The following C6orf141 variants were observed in gnomAD, a reference collection of about 807,000 sequenced individuals.
C6orf141 encodes the protein chromosome 6 open reading frame 141, also known as uncharacterized protein C6orf141.
For missense variants in C6orf141, 361 were observed against 335.8 expected, an observed-to-expected ratio of 1.07 and a Z score of -0.59; for synonymous variants, 164 against 140.5, an observed-to-expected ratio of 1.17 and a Z score of -1.18.
At chr6:49,556,641 G>A (rs1481074187), downstream of C6orf141, among the ~76,000 whole-genome samples, 1 of 152,152 alleles carries the variant, frequency 6.6e-6, no homozygotes, top group Non-Finnish European at 1.5e-5. Flanking sequence ...AGCCACTTGT[G>A]ATGAATTGAG....
intron 4 of C6orf141, chr6:49,560,989 T>TA (rs1230045746): frequency 6.6e-6 from 1 of 152,012 alleles, no homozygotes; most frequent in African/African-American, 2.4e-5. Context: ...GAAAAGCCTC[T>TA]ATGTTGTCCT....
Position 49,551,597 on chromosome 6 carries a change from A to T in C6orf141, c.*70A>T. 6.6e-7 allele frequency: 1 copy of T among 1,522,706 alleles called. No homozygotes were observed. Among genetic ancestry groups the T allele is most frequent in the Non-Finnish European group, 8.8e-7 (1 of 1,138,512 alleles). The allele number at this position is 1,522,706 out of a possible 1,614,324, so 94.3% of individuals were successfully genotyped here. A position where few individuals can be genotyped will look rare whatever the true frequency, so the allele number is the denominator to read the frequency against. ...CCTTAAAAGAAAATGCTATTCTGGG[A>T]GCTCCAACCTGCAATTAACCTACAG... On this transcript the variant is annotated 3_prime_UTR_variant, in exon 1 of 1. Transcript: ENST00000529246.
intron 4 of C6orf141, among the ~76,000 whole-genome samples, chr6:49,558,071 T>TTGTTTTTTTTTTTTTGTTGTTG (rs1554168735): frequency 7.2e-6 from 1 of 139,340 alleles, no homozygotes; most frequent in Non-Finnish European, 1.5e-5. Flanking sequence ...TTTTTTTTTT[T>TTGTTTTTTTTTTTTTGTTGTTG]TTTTTTTTTT....
chr6:49,556,310 A>T (rs1307131493), downstream of C6orf141, among the ~76,000 whole-genome samples: 8 of 152,252 alleles, frequency 5.3e-5, no homozygotes, highest in African/African-American at 1.9e-4. Context: ...TAACAATGCC[A>T]TGAAGATAAT....
intron 4 of C6orf141, among the ~76,000 whole-genome samples, chr6:49,559,522 A>G (rs1203522234): frequency 6.6e-6 from 1 of 151,960 alleles, no homozygotes; most frequent in Non-Finnish European, 1.5e-5. Flanking sequence ...GGCATGGGGT[A>G]TTATCTAGTG....
rs541718542 is a variant in C6orf141, at chr6:49,551,282, G to T, written c.490G>T (p.Asp164Tyr). ...PPKYVLVRVE[D>Y]YQVTQEVLQT... ...CAAATACGTGCTTGTGCGGGTGGAGGATTATCAGGTAACACAAGAAGTGTT... is the reference window on the plus strand; with the variant it reads ...CAAATACGTGCTTGTGCGGGTGGAGTATTATCAGGTAACACAAGAAGTGTT... The change falls in exon 1 of 1, where the codon GAT becomes TAT. Residue 164 changes from aspartate to tyrosine, a missense_variant. Coordinates refer to ENST00000529246, the MANE Select transcript of C6orf141 (RefSeq NM_001145652.2). 396 of 1,551,720 alleles carry T rather than the reference G, an allele frequency of 2.6e-4. No individual in the cohort carries two copies. The highest frequency in any genetic ancestry group is 2.8e-4 in the Non-Finnish European group (316 of 1,147,000).
In C6orf141 at chr6:49,551,365, C is replaced by A. The variant is rs1365991117; in HGVS notation, c.573C>A (p.Thr191=). 1 of 1,551,684 alleles carries A rather than the reference C, an allele frequency of 6.4e-7. No individual in the cohort carries two copies. The highest frequency in any genetic ancestry group is 2.0e-5 in the Admixed American group (1 of 51,010). ...MTTRTEEHFV[T]ALTFRSSREG... ...CGAGGACTGAGGAGCACTTCGTGAC[C>A]GCGCTCACTTTTCGCAGCAGTAGAG... The change falls in exon 1 of 1, where the codon ACC becomes ACA. Residue 191 remains threonine, a synonymous_variant. Transcript: ENST00000529246.
downstream of C6orf141, among the ~76,000 whole-genome samples, chr6:49,555,466 GTTTTT>G (rs1771678231): frequency 6.7e-6 from 1 of 149,240 alleles, no homozygotes; most frequent in Non-Finnish European, 1.5e-5. Context: ...GTTTTGTTTT[GTTTTT>G]GTTTTATAGA....
At chr6:49,556,666 G>A (rs905699234), downstream of C6orf141, among the ~76,000 whole-genome samples, 3 of 152,152 alleles carry the variant, frequency 2.0e-5, no homozygotes, top group Admixed American at 2.0e-4. Context: ...GTGGGGAAAA[G>A]GTGGAGCCAG....
At chr6:49,553,978 T>C (rs1411565008), downstream of C6orf141, among the ~76,000 whole-genome samples, 3 of 152,202 alleles carry the variant, frequency 2.0e-5, no homozygotes, top group Admixed American at 2.0e-4. Flanking sequence ...CTAATGAAAG[T>C]CAAGCCGGTG....
downstream of C6orf141, among the ~76,000 whole-genome samples, chr6:49,556,986 G>T (rs1402747193): frequency 6.6e-6 from 1 of 152,180 alleles, no homozygotes; most frequent in Non-Finnish European, 1.5e-5. Context: ...AAGCACGGTG[G>T]CTCACGCCTG....
At chr6:49,555,730 G>A (rs571068336), downstream of C6orf141, among the ~76,000 whole-genome samples, 2 of 152,018 alleles carry the variant, frequency 1.3e-5, no homozygotes, top group African/African-American at 2.4e-5. Context: ...GGATGGTCTC[G>A]ATCTCCTGAT....
chr6:49,554,723 A>T (rs1183466453), downstream of C6orf141, among the ~76,000 whole-genome samples: 1 of 151,458 alleles, frequency 6.6e-6, no homozygotes, highest in Non-Finnish European at 1.5e-5. Context: ...TCCTTTTCTC[A>T]CTGTTTCAAG....
At chr6:49,558,725 C>T (rs867104308) in intron 4 of C6orf141, among the ~76,000 whole-genome samples, 10 of 151,106 alleles carry the variant, frequency 6.6e-5, no homozygotes, top group South Asian at 2.1e-4. Context: ...GGGGGGGGTG[C>T]GGGATGGAGT....
At chr6:49,559,216 A>G (rs1361282706) in intron 4 of C6orf141, among the ~76,000 whole-genome samples, 623 of 53,720 alleles carry the variant, frequency 0.012, 73 homozygotes, top group African/African-American at 0.045. Context: ...ATATATATAT[A>G]TATATATATA....
intron 4 of C6orf141, among the ~76,000 whole-genome samples, chr6:49,559,731 T>C (rs1772890887): frequency 6.6e-6 from 1 of 152,146 alleles, no homozygotes; most frequent in African/African-American, 2.4e-5. Flanking sequence ...CAATTGGGTA[T>C]CTTGAATTCA....
downstream of C6orf141, among the ~76,000 whole-genome samples, chr6:49,554,629 G>A (rs182278420): frequency 2.2e-4 from 34 of 152,182 alleles, no homozygotes; most frequent in Non-Finnish European, 3.8e-4. Context: ...TGATGCGCCC[G>A]CCTCGGCCTC....
chr6:49,553,367 A>G (rs1398316922), downstream of C6orf141, among the ~76,000 whole-genome samples: 1 of 152,242 alleles, frequency 6.6e-6, no homozygotes, highest in African/African-American at 2.4e-5. Flanking sequence ...TGGGAGAGGA[A>G]TTCAGCATCT....
chr6:49,556,655 G>C (rs1452906646), downstream of C6orf141, among the ~76,000 whole-genome samples: 1 of 152,124 alleles, frequency 6.6e-6, no homozygotes, highest in African/African-American at 2.4e-5. Flanking sequence ...AATTGAGAGG[G>C]GTGGGGAAAA....
Sources: allele counts gnomAD v4.1 joint callset (sites outside exome capture counted in the v4.1 genomes callset), GRCh38; gene constraint gnomAD v4.1.1; transcripts MANE v1.5; gene names NCBI Gene and HGNC (gene_info 2026-07-23, HGNC 2026-07-21).